PCDH15: variants seen among roughly 807,000 people sequenced by gnomAD.
PCDH15 encodes protocadherin-15.
A neutral mutation model predicts 178.5 loss-of-function variants in PCDH15; 129 were observed. The ratio of observed to expected loss-of-function variants is 0.72; its 90% CI spans 0.63 to 0.84. PCDH15 has a LOEUF of 0.84. Among genes scored for constraint, PCDH15 ranks in the 40% least tolerant of loss-of-function variants. The pLI, the probability that PCDH15 is intolerant of heterozygous loss-of-function variation, is 0.00. For synonymous variants in PCDH15, 800 were observed against 732.0 expected, an observed-to-expected ratio of 1.09 and a Z score of -1.50; for missense variants, 2,230 against 2,099.9, an observed-to-expected ratio of 1.06 and a Z score of -1.21.
chr10:54,780,827 T>C (rs529793404), intron 1 of PCDH15, among the ~76,000 whole-genome samples: 3 of 151,782 alleles, frequency 2.0e-5, no homozygotes, highest in South Asian at 4.2e-4. Flanking sequence ...GCTTCCTTAA[T>C]CATAGTAGCT....
chr10:54,238,168 C>T (rs1455805481), intron 8 of PCDH15, among the ~76,000 whole-genome samples: 2 of 152,048 alleles, frequency 1.3e-5, no homozygotes, highest in Non-Finnish European at 2.9e-5. Context: ...TAGTATGTCT[C>T]AATATCTACA....
At chr10:54,226,470 C>A (rs1043082187) in intron 9 of PCDH15, among the ~76,000 whole-genome samples, 14 of 152,146 alleles carry the variant, frequency 9.2e-5, no homozygotes, top group Middle Eastern at 3.2e-3. Context: ...GAGGCTGAGG[C>A]AGGCAGATCA....
intron 18 of PCDH15, among the ~76,000 whole-genome samples, chr10:54,051,984 T>C (rs984130695): frequency 1.3e-5 from 2 of 152,190 alleles, no homozygotes; most frequent in Non-Finnish European, 2.9e-5. Context: ...GCCGCTTACA[T>C]GTGGTGTTGG....
intron 9 of PCDH15, among the ~76,000 whole-genome samples, chr10:54,231,634 C>T (rs986316070): frequency 6.6e-6 from 1 of 152,220 alleles, no homozygotes; most frequent in African/African-American, 2.4e-5. Flanking sequence ...GCACCAAACA[C>T]CAGCCCATGA....
intron 26 of PCDH15, among the ~76,000 whole-genome samples, chr10:53,901,249 T>C (rs2133634455): frequency 6.6e-6 from 1 of 152,176 alleles, no homozygotes; most frequent in Non-Finnish European, 1.5e-5. Flanking sequence ...TGCAAATGCC[T>C]TGCCAAGAAT....
At chr10:55,453,773 A>T (rs542821959) in intron 2 of PCDH15, among the ~76,000 whole-genome samples, 28 of 152,062 alleles carry the variant, frequency 1.8e-4, no homozygotes, top group Non-Finnish European at 3.2e-4. Context: ...TCCTACCTCT[A>T]TACCTTAGGT....
At chr10:54,832,712 T>A (rs1953244944) in intron 3 of PCDH15, among the ~76,000 whole-genome samples, 1 of 152,158 alleles carries the variant, frequency 6.6e-6, no homozygotes, top group Non-Finnish European at 1.5e-5. Context: ...ATATTACCAC[T>A]AATGGAAAAA....
At chr10:54,775,039 A>T (rs1286994354) in intron 1 of PCDH15, among the ~76,000 whole-genome samples, 2 of 152,148 alleles carry the variant, frequency 1.3e-5, no homozygotes, top group Non-Finnish European at 2.9e-5. Flanking sequence ...TGTATTATTA[A>T]ACTTGATTGC....
chr10:54,195,951 T>C, intron 10 of PCDH15, 62 bp from the exon 11 acceptor site: 2 of 1,459,310 alleles, frequency 1.4e-6, no homozygotes, highest in Admixed American at 3.5e-5. Context: ...TTTTGGAGTT[T>C]CACTTTTCAT....
At chr10:55,614,758 T>G (rs1843440977) in intron 2 of PCDH15, among the ~76,000 whole-genome samples, 1 of 152,146 alleles carries the variant, frequency 6.6e-6, no homozygotes. Context: ...ACCAAAGTCT[T>G]TGGTTTATTT....
At chr10:54,332,242 A>ATATATATAATCTATATTATATATTAT (rs1591837726) in intron 6 of PCDH15, among the ~76,000 whole-genome samples, 1 of 109,576 alleles carries the variant, frequency 9.1e-6, no homozygotes, top group East Asian at 2.2e-4. Flanking sequence ...TATATATAAT[A>ATATATATAATCTATATTATATATTAT]TATATATAAT....
intron 1 of PCDH15, among the ~76,000 whole-genome samples, chr10:55,304,187 G>T: frequency 6.6e-6 from 1 of 152,040 alleles, no homozygotes; most frequent in East Asian, 1.9e-4. Context: ...CTGCAGAACT[G>T]CAAGTAGGGC....
At chr10:53,825,007 C>T in intron 32 of PCDH15, 1 of 1,196,642 alleles carries the variant, frequency 8.4e-7, no homozygotes, top group Non-Finnish European at 1.1e-6. Flanking sequence ...CAAAACTTTC[C>T]TTTTAACAGT....
intron 1 of PCDH15, among the ~76,000 whole-genome samples, chr10:55,254,344 G>C (rs746285567): frequency 6.6e-6 from 1 of 152,116 alleles, no homozygotes; most frequent in African/African-American, 2.4e-5. Context: ...TTGAGTGAGG[G>C]TTTTGGAAGA....
intron 1 of PCDH15, among the ~76,000 whole-genome samples, chr10:54,735,110 C>G (rs1943926540): frequency 2.0e-5 from 3 of 151,972 alleles, no homozygotes; most frequent in African/African-American, 7.2e-5. Flanking sequence ...ATATTAACCA[C>G]TTTATTATAC....
chr10:54,397,237 A>C (rs1951349249), intron 3 of PCDH15, among the ~76,000 whole-genome samples: 1 of 152,108 alleles, frequency 6.6e-6, no homozygotes, highest in South Asian at 2.1e-4. Context: ...TTTATAACCC[A>C]GGGATGTCTT....
chr10:54,344,617 T>C (rs1026036199), intron 6 of PCDH15, among the ~76,000 whole-genome samples: 1 of 152,076 alleles, frequency 6.6e-6, no homozygotes, highest in Non-Finnish European at 1.5e-5. Flanking sequence ...GTAACCTTCA[T>C]AAAATTTGAG....
At position 54,360,546 on chromosome 10, in the gene PCDH15, G is replaced by A. The variant is rs115243445; in HGVS notation, c.474+8574C>T. On this transcript the variant is annotated intron_variant, in intron 5 of 37. Coordinates refer to ENST00000644397, the MANE Select transcript of PCDH15 (RefSeq NM_001384140.1). ...AGTTGGGCAGGGTGTTCATCTTCATGGGTCCCATTTCATTACCTTTTAGAG... is the reference window on the plus strand; with the variant it reads ...AGTTGGGCAGGGTGTTCATCTTCATAGGTCCCATTTCATTACCTTTTAGAG... 4.2e-3 allele frequency among the ~76,000 whole-genome samples: 636 copies of A among 152,042 alleles called. 4 individuals are homozygous for A. The highest frequency in any genetic ancestry group is 0.014 in the African/African-American group (600 of 41,492).
chr10:53,973,145 C>T (rs2089889571), intron 21 of PCDH15, among the ~76,000 whole-genome samples: 1 of 151,952 alleles, frequency 6.6e-6, no homozygotes, highest in African/African-American at 2.4e-5. Flanking sequence ...TTTGTAGGGA[C>T]ATGGATGAAG....
Sources: allele counts gnomAD v4.1 joint callset (sites outside exome capture counted in the v4.1 genomes callset), GRCh38; gene constraint gnomAD v4.1.1; transcripts MANE v1.5; gene names NCBI Gene and HGNC (gene_info 2026-07-23, HGNC 2026-07-21).